C10orf90: variants seen among roughly 807,000 people sequenced by gnomAD.
The protein encoded by C10orf90 is (E2-independent) E3 ubiquitin-conjugating enzyme FATS.
In C10orf90, 56 loss-of-function variants were observed where a neutral mutation model predicts 62.5. That is an observed-to-expected ratio of 0.90 (90% confidence interval 0.72 to 1.12). The LOEUF is 1.12. Ranked by LOEUF, C10orf90 falls within the 50% of genes most tolerant of loss-of-function variation. The pLI is 0.00. For missense variants in C10orf90, 970 were observed against 880.4 expected, an observed-to-expected ratio of 1.10 and a Z score of -1.29; for synonymous variants, 386 against 340.4, an observed-to-expected ratio of 1.13 and a Z score of -1.47.
chr10:126,485,375 C>G (rs956088464), intron 4 of C10orf90, among the ~76,000 whole-genome samples: 1 of 152,142 alleles, frequency 6.6e-6, no homozygotes, highest in African/African-American at 2.4e-5. Context: ...ACTAAGACAT[C>G]CCATGTAAGT....
chr10:126,638,167 C>T (rs1845989937), intron 2 of C10orf90, among the ~76,000 whole-genome samples: 1 of 152,062 alleles, frequency 6.6e-6, no homozygotes, highest in Non-Finnish European at 1.5e-5. Flanking sequence ...TCCCTAGGCC[C>T]AGTCTAGAAC....
chr10:126,543,466 C>A (rs1370101), intron 2 of C10orf90, among the ~76,000 whole-genome samples: 2 of 151,984 alleles, frequency 1.3e-5, no homozygotes, highest in African/African-American at 4.8e-5. Context: ...ATTTGGAAAG[C>A]AGATGTAGGT....
chr10:126,493,982 C>A (rs138096104), intron 4 of C10orf90, among the ~76,000 whole-genome samples: 1 of 152,188 alleles, frequency 6.6e-6, no homozygotes, highest in East Asian at 1.9e-4. Context: ...CTGTTCACAG[C>A]TTTTTTGGCT....
Position 126,464,844 on chromosome 10 carries a change from A to C in C10orf90, c.1677T>G (p.Ser559=). The C allele has an allele frequency of 6.2e-7, 1 of 1,614,172 alleles. No homozygotes were observed. The highest frequency in any genetic ancestry group is 8.5e-7 in the Non-Finnish European group (1 of 1,180,030). ...TCTCTGTGGGCTCAGAAAGGTCTCTAGACAGACAGTCATCGCTTGGAGAGC... is the reference window on the plus strand; with the variant it reads ...TCTCTGTGGGCTCAGAAAGGTCTCTCGACAGACAGTCATCGCTTGGAGAGC... ...GDSSPSDDCL[S]RDLSEPTERR... The change falls in exon 5 of 10, where the codon TCT becomes TCG. Residue 559 remains serine (S), a synonymous_variant. Coordinates refer to ENST00000488181, the MANE Select transcript of C10orf90 (RefSeq NM_001350921.2).
At chr10:126,514,984 G>C (rs1377041352) in intron 2 of C10orf90, among the ~76,000 whole-genome samples, 2 of 152,222 alleles carry the variant, frequency 1.3e-5, no homozygotes, top group Non-Finnish European at 2.9e-5. Context: ...TGTAATAAAT[G>C]GCTCCCCAAC....
intron 2 of C10orf90, among the ~76,000 whole-genome samples, chr10:126,632,891 C>T (rs116916333): frequency 3.2e-4 from 48 of 152,274 alleles, no homozygotes; most frequent in Middle Eastern, 3.4e-3. Flanking sequence ...ACCCCACAAG[C>T]GGGCCCAGTG....
intron 2 of C10orf90, among the ~76,000 whole-genome samples, chr10:126,519,728 C>T (rs546038845): frequency 5.1e-4 from 78 of 152,304 alleles, no homozygotes; most frequent in Admixed American, 2.0e-3. Flanking sequence ...TACACAGTTT[C>T]TCTGGGAAGT....
chr10:126,565,448 A>G (rs1844362962), intron 2 of C10orf90, among the ~76,000 whole-genome samples: 2 of 80,854 alleles, frequency 2.5e-5, no homozygotes, highest in Admixed American at 3.5e-4. Flanking sequence ...ACACACACAC[A>G]CACACACACA....
intron 2 of C10orf90, among the ~76,000 whole-genome samples, chr10:126,641,176 A>G (rs1001620484): frequency 6.6e-5 from 10 of 152,180 alleles, no homozygotes; most frequent in Admixed American, 5.2e-4. Context: ...TGTAACTCGC[A>G]CCAGGTTCTG....
chr10:126,482,650 C>T (rs116626932), intron 4 of C10orf90, among the ~76,000 whole-genome samples: 1,974 of 152,218 alleles, frequency 0.013, 41 homozygotes, highest in African/African-American at 0.045. Flanking sequence ...ATGACTTTTC[C>T]CTGGATTAAA....
At chr10:126,624,310 C>A (rs1402537936) in intron 2 of C10orf90, among the ~76,000 whole-genome samples, 1 of 151,934 alleles carries the variant, frequency 6.6e-6, no homozygotes, top group Non-Finnish European at 1.5e-5. Context: ...TGTGCCACTG[C>A]AATCCAGCCT....
intron 7 of C10orf90, among the ~76,000 whole-genome samples, chr10:126,455,777 A>G (rs1005315837): frequency 6.6e-6 from 1 of 152,044 alleles, no homozygotes; most frequent in Non-Finnish European, 1.5e-5. Flanking sequence ...CCTGCCTCCA[A>G]ACAAGGAGTC....
At chr10:126,651,971 T>A (rs1846300119) in intron 1 of C10orf90, among the ~76,000 whole-genome samples, 1 of 152,186 alleles carries the variant, frequency 6.6e-6, no homozygotes, top group Non-Finnish European at 1.5e-5. Context: ...GTTGGACTGA[T>A]GATTGGTTGG....
chr10:126,656,525 G>T (rs1400180983), intron 1 of C10orf90, among the ~76,000 whole-genome samples: 1 of 152,214 alleles, frequency 6.6e-6, no homozygotes, highest in Non-Finnish European at 1.5e-5. Context: ...CTCCTCTGCT[G>T]CCTCAGTAGA....
At chr10:126,507,041 A>G (rs1476283921) in intron 3 of C10orf90, among the ~76,000 whole-genome samples, 2 of 152,036 alleles carry the variant, frequency 1.3e-5, no homozygotes, top group African/African-American at 4.8e-5. Flanking sequence ...TCTCCATCAC[A>G]TTATATGTGG....
chr10:126,534,039 G>A (rs956265790), intron 2 of C10orf90, among the ~76,000 whole-genome samples: 2 of 152,210 alleles, frequency 1.3e-5, no homozygotes, highest in East Asian at 3.9e-4. Context: ...GAGGGAGGAG[G>A]AGATGTGAGG....
At chr10:126,624,347 A>G (rs1845702672) in intron 2 of C10orf90, among the ~76,000 whole-genome samples, 1 of 152,100 alleles carries the variant, frequency 6.6e-6, no homozygotes, top group South Asian at 2.1e-4. Flanking sequence ...CTCCATCTAA[A>G]AAAAAAAGAG....
At chr10:126,612,180 G>T (rs141738910) in intron 2 of C10orf90, among the ~76,000 whole-genome samples, 1 of 152,162 alleles carries the variant, frequency 6.6e-6, no homozygotes, top group African/African-American at 2.4e-5. Flanking sequence ...AATTAGCTGC[G>T]CATGGAGGCG....
At chr10:126,459,811 C>G (rs1387150350) in intron 6 of C10orf90, among the ~76,000 whole-genome samples, 1 of 152,108 alleles carries the variant, frequency 6.6e-6, no homozygotes, top group Non-Finnish European at 1.5e-5. Flanking sequence ...TGTCAGAAGT[C>G]CCTATGTCTC....
Sources: gnomAD v4.1 joint callset for allele counts (sites outside exome capture counted in the v4.1 genomes callset) on GRCh38, gnomAD v4.1.1 for gene constraint, MANE v1.5 for transcripts, NCBI Gene and HGNC (gene_info 2026-07-23, HGNC 2026-07-21) for gene names.